Variants in RTN4 observed in about 807,000 individuals in gnomAD.
The protein encoded by RTN4 is reticulon-4.
A neutral mutation model predicts 90.4 loss-of-function variants in RTN4; 32 were observed. The ratio of observed to expected loss-of-function variants is 0.35; its 90% confidence interval spans 0.27 to 0.48. RTN4 has a LOEUF of 0.48. Ranked by LOEUF, RTN4 falls within the 20% of genes least tolerant of loss-of-function variation. The pLI, the probability that RTN4 is intolerant of heterozygous loss-of-function variation, is 0.99. For missense variants in RTN4, 1,706 were observed against 1,430.2 expected, an observed-to-expected ratio of 1.19 and a Z score of -3.11; for synonymous variants, 629 against 552.5, an observed-to-expected ratio of 1.14 and a Z score of -1.94.
At chr2:55,030,008 G>A (rs1020629519) in intron 1 of RTN4, among the ~76,000 whole-genome samples, 1 of 152,042 alleles carries the variant, frequency 6.6e-6, no homozygotes, top group East Asian at 1.9e-4. Context: ...AAATAATTAC[G>A]CAGCTGCTCC....
At chr2:55,042,318 C>T (rs1025041417) in intron 1 of RTN4, among the ~76,000 whole-genome samples, 2 of 152,042 alleles carry the variant, frequency 1.3e-5, no homozygotes, top group Non-Finnish European at 2.9e-5. Context: ...GGCATGTATT[C>T]CCAAAGAAGT....
chr2:55,088,091 C>G (rs977009396), intron 1 of RTN4, among the ~76,000 whole-genome samples: 1 of 152,234 alleles, frequency 6.6e-6, no homozygotes, highest in African/African-American at 2.4e-5. Context: ...AATGTTGCCT[C>G]AGTGCCTTGT....
chr2:54,988,423 G>A (rs1678747117), intron 3 of RTN4, among the ~76,000 whole-genome samples: 1 of 152,010 alleles, frequency 6.6e-6, no homozygotes. Context: ...ACACTAAAAT[G>A]AGATACTTCA....
At chr2:55,135,914 G>A in the RTN4 span, among the ~76,000 whole-genome samples, 15 of 152,276 alleles carry the variant, frequency 9.9e-5, no homozygotes, top group East Asian at 2.9e-3. Context: ...TTATTGCTGA[G>A]TAGTATTCTA....
At chr2:55,006,778 C>A (rs534380654) in intron 3 of RTN4, among the ~76,000 whole-genome samples, 1 of 152,076 alleles carries the variant, frequency 6.6e-6, no homozygotes, top group Non-Finnish European at 1.5e-5. Flanking sequence ...TATTTAATTG[C>A]CCATTCCTTC....
chr2:55,009,963 T>C, intron 3 of RTN4: 1 of 1,080,586 alleles, frequency 9.3e-7, no homozygotes, highest in African/African-American at 1.6e-5. Flanking sequence ...TTTTAATCCT[T>C]TAGACTTCAA....
chr2:55,122,242 G>A, the RTN4 span, among the ~76,000 whole-genome samples: 146 of 152,290 alleles, frequency 9.6e-4, no homozygotes, highest in African/African-American at 3.2e-3. Context: ...GCCTCCCAAA[G>A]TGCTGGGATT....
At chr2:55,131,275 C>T in the RTN4 span, among the ~76,000 whole-genome samples, 3 of 151,904 alleles carry the variant, frequency 2.0e-5, no homozygotes, top group African/African-American at 7.3e-5. Flanking sequence ...GTGGTGCAAT[C>T]TCAGCTCACT....
intron 1 of RTN4, among the ~76,000 whole-genome samples, chr2:55,104,245 C>G (rs11681862): frequency 6.9e-6 from 1 of 144,510 alleles, no homozygotes. Flanking sequence ...TAAGTAGAGA[C>G]AGGGTTTCAC....
chr2:55,037,438 A>G (rs1418782033), intron 1 of RTN4, among the ~76,000 whole-genome samples: 3 of 152,238 alleles, frequency 2.0e-5, no homozygotes, highest in South Asian at 2.1e-4. Context: ...TATATGACAC[A>G]AAAGATTTGT....
intron 1 of RTN4, among the ~76,000 whole-genome samples, chr2:55,107,769 A>T: frequency 6.6e-6 from 1 of 152,188 alleles, no homozygotes; most frequent in East Asian, 1.9e-4. Context: ...AGAGATCCCA[A>T]CTCAGGATTT....
intron 3 of RTN4, among the ~76,000 whole-genome samples, chr2:54,999,245 C>T (rs1303220549): frequency 6.6e-6 from 1 of 152,154 alleles, no homozygotes; most frequent in Non-Finnish European, 1.5e-5. Flanking sequence ...TAAATCTTTT[C>T]TTTAAAATAA....
At chr2:55,130,198 T>C in the RTN4 span, among the ~76,000 whole-genome samples, 1 of 152,182 alleles carries the variant, frequency 6.6e-6, no homozygotes, top group South Asian at 2.1e-4. Context: ...GTTCACTGAG[T>C]GCTGACATGG....
intron 3 of RTN4, among the ~76,000 whole-genome samples, chr2:55,002,589 T>A (rs1193258433): frequency 3.9e-5 from 6 of 152,174 alleles, no homozygotes; most frequent in Non-Finnish European, 2.9e-5. Context: ...CTTTCCAGCT[T>A]TACTAGGAGA....
intron 1 of RTN4, chr2:55,046,841 G>T (rs1306851290): frequency 6.6e-6 from 1 of 152,052 alleles, no homozygotes; most frequent in Non-Finnish European, 1.5e-5. Flanking sequence ...TTCCCAATAG[G>T]TATCATCAAT....
intron 1 of RTN4, among the ~76,000 whole-genome samples, chr2:55,029,758 G>A (rs1345079122): frequency 6.6e-6 from 1 of 152,092 alleles, no homozygotes; most frequent in Non-Finnish European, 1.5e-5. Context: ...TGTTTAAAAG[G>A]GTTTCCTCCA....
At chr2:55,032,531 G>T (rs909604000) in intron 1 of RTN4, among the ~76,000 whole-genome samples, 2 of 151,818 alleles carry the variant, frequency 1.3e-5, no homozygotes, top group African/African-American at 4.8e-5. Flanking sequence ...TATATTAACT[G>T]AAAATAATCA....
intron 2 of RTN4, among the ~76,000 whole-genome samples, chr2:55,057,913 G>A (rs1226913194): frequency 6.6e-6 from 1 of 152,142 alleles, no homozygotes; most frequent in Non-Finnish European, 1.5e-5. Context: ...AGCCAAGGAG[G>A]TCAAGGTTAC....
intron 3 of RTN4, among the ~76,000 whole-genome samples, chr2:54,995,066 C>T (rs374768491): frequency 6.6e-6 from 1 of 151,916 alleles, no homozygotes; most frequent in African/African-American, 2.4e-5. Context: ...ATGGTGAAAC[C>T]CCATCTCTAC....
Sources: gnomAD v4.1 joint callset for allele counts (sites outside exome capture counted in the v4.1 genomes callset) on GRCh38, gnomAD v4.1.1 for gene constraint, MANE v1.5 for transcripts, NCBI Gene and HGNC (gene_info 2026-07-23, HGNC 2026-07-21) for gene names.